The following DSCAML1 variants were observed in gnomAD, a reference collection of about 807,000 sequenced individuals.
The protein encoded by DSCAML1 is DS cell adhesion molecule like 1.
In DSCAML1, 38 loss-of-function variants were observed where a neutral mutation model predicts 200.5. That is an observed-to-expected ratio of 0.19 (90% confidence interval 0.15 to 0.25). The LOEUF is 0.25. DSCAML1 is among the 10% of genes least tolerant of loss of function. The pLI is 1.00. For synonymous variants in DSCAML1, 1,215 were observed against 1,165.0 expected, an observed-to-expected ratio of 1.04 and a Z score of -0.87; for missense variants, 2,223 against 2,858.8, an observed-to-expected ratio of 0.78 and a Z score of 5.07.
intron 3 of DSCAML1, among the ~76,000 whole-genome samples, chr11:117,690,272 C>T (rs2053473441): frequency 6.6e-6 from 1 of 152,246 alleles, no homozygotes; most frequent in Non-Finnish European, 1.5e-5. Flanking sequence ...CCCTCATGGC[C>T]AGTTCCAGTC....
intron 3 of DSCAML1, among the ~76,000 whole-genome samples, chr11:117,710,955 T>A (rs1251895135): frequency 2.0e-5 from 3 of 152,126 alleles, no homozygotes; most frequent in Non-Finnish European, 2.9e-5. Flanking sequence ...ACAAACTATA[T>A]CCAGTGAGGG....
intron 2 of DSCAML1, among the ~76,000 whole-genome samples, chr11:117,777,356 C>G (rs1450855466): frequency 6.6e-6 from 1 of 152,168 alleles, no homozygotes; most frequent in Admixed American, 6.5e-5. Context: ...CCTAAGAAAA[C>G]CAAACCGGAT....
intron 3 of DSCAML1, among the ~76,000 whole-genome samples, chr11:117,754,723 C>A (rs2054658842): frequency 6.6e-6 from 1 of 152,114 alleles, no homozygotes; most frequent in Non-Finnish European, 1.5e-5. Flanking sequence ...GAGGGGGAAA[C>A]AGAGAAGGGG....
chr11:117,594,888 C>G (rs2051331110), intron 3 of DSCAML1, among the ~76,000 whole-genome samples: 1 of 152,210 alleles, frequency 6.6e-6, no homozygotes, highest in Non-Finnish European at 1.5e-5. Flanking sequence ...ATCCTTTGCC[C>G]TTTGGCAGTT....
At chr11:117,646,178 G>C (rs939206675) in intron 3 of DSCAML1, among the ~76,000 whole-genome samples, 1 of 151,768 alleles carries the variant, frequency 6.6e-6, no homozygotes, top group Non-Finnish European at 1.5e-5. Flanking sequence ...AAAGTCCTCT[G>C]TCAGACCACA....
intron 3 of DSCAML1, among the ~76,000 whole-genome samples, chr11:117,732,779 A>G (rs914580699): frequency 6.6e-6 from 1 of 152,176 alleles, no homozygotes; most frequent in Non-Finnish European, 1.5e-5. Context: ...ATATGGGAAA[A>G]GCCAGGAATT....
chr11:117,672,121 A>AAAAAAAAAAAAAAAAAG (rs1555196996), intron 3 of DSCAML1, among the ~76,000 whole-genome samples: 2 of 147,472 alleles, frequency 1.4e-5, no homozygotes, highest in African/African-American at 5.0e-5. Flanking sequence ...AAAAAAAAAA[A>AAAAAAAAAAAAAAAAAG]AAGAAGAAAC....
At chr11:117,611,459 G>A (rs2051691911) in intron 3 of DSCAML1, 1 of 152,166 alleles carries the variant, frequency 6.6e-6, no homozygotes, top group Non-Finnish European at 1.5e-5. Context: ...CTCTGCATGA[G>A]ACATGAGAAC....
rs927106630 is a variant in DSCAML1 at position 117,642,073 on chromosome 11, C to T, written c.512-109551G>A. On this transcript the variant is annotated intron_variant, in intron 3 of 32. Transcript: ENST00000651296. The surrounding 1 kb of genome is among the most constrained non-coding windows in gnomAD (Gnocchi z 4.1). ...GGTGACAGCTCCCTTTTCTGAACAT[C>T]GATGGCAGTCATCTCTACCTCACCT... is the stretch of plus-strand genomic sequence containing the variant. Among the ~76,000 whole-genome samples the T allele has an allele frequency of 2.0e-5, 3 of 152,140 alleles. No individual in the cohort carries two copies. The highest frequency in any genetic ancestry group is 6.5e-5 in the Admixed American group (1 of 15,274).
chr11:117,548,791 G>C (rs991658150), intron 3 of DSCAML1, among the ~76,000 whole-genome samples: 3 of 152,160 alleles, frequency 2.0e-5, no homozygotes, highest in African/African-American at 7.2e-5. Flanking sequence ...GCAAGTCCCA[G>C]AGAAGAAACC....
At chr11:117,487,979 C>T (rs923176421) in intron 11 of DSCAML1, among the ~76,000 whole-genome samples, 3 of 152,138 alleles carry the variant, frequency 2.0e-5, no homozygotes, top group Non-Finnish European at 4.4e-5. Flanking sequence ...TGGGGGTGCC[C>T]GGGTCTCAGG....
chr11:117,541,015 C>A (rs35266957), intron 3 of DSCAML1, among the ~76,000 whole-genome samples: 1 of 152,114 alleles, frequency 6.6e-6, no homozygotes, highest in Non-Finnish European at 1.5e-5. Context: ...TCTCCCCCAG[C>A]GATTTAGAAG....
chr11:117,545,806 A>C (rs1267762621), intron 3 of DSCAML1, among the ~76,000 whole-genome samples: 2 of 152,194 alleles, frequency 1.3e-5, no homozygotes, highest in East Asian at 3.8e-4. Context: ...CCTCATCTGC[A>C]CCCTCAATCA....
intron 27 of DSCAML1, among the ~76,000 whole-genome samples, chr11:117,435,254 G>C (rs2047889743): frequency 6.6e-6 from 1 of 152,196 alleles, no homozygotes. Flanking sequence ...ACTACCTGCA[G>C]GTCTATTCTT....
At chr11:117,640,755 C>G (rs1007385582) in intron 3 of DSCAML1, among the ~76,000 whole-genome samples, 1 of 152,224 alleles carries the variant, frequency 6.6e-6, no homozygotes, top group East Asian at 1.9e-4. Flanking sequence ...ACACAGGTCA[C>G]TCTCCAGGCG....
At chr11:117,812,447 T>C (rs1413490991) in intron 1 of DSCAML1, among the ~76,000 whole-genome samples, 1 of 152,080 alleles carries the variant, frequency 6.6e-6, no homozygotes, top group Non-Finnish European at 1.5e-5. Context: ...ATCCACCCCA[T>C]GGTGCCAAAC....
intron 3 of DSCAML1, among the ~76,000 whole-genome samples, chr11:117,604,822 T>G (rs1040290228): frequency 4.6e-5 from 7 of 152,222 alleles, no homozygotes; most frequent in Non-Finnish European, 8.8e-5. Flanking sequence ...CATGCCGCTC[T>G]GTCTGCCCGT....
intron 1 of DSCAML1, among the ~76,000 whole-genome samples, chr11:117,782,463 G>C (rs1264352025): frequency 6.6e-6 from 1 of 152,146 alleles, no homozygotes; most frequent in African/African-American, 2.4e-5. Flanking sequence ...GAGCCACATG[G>C]CCTCGCCATT....
chr11:117,459,972 C>A (rs2048447278), intron 18 of DSCAML1, among the ~76,000 whole-genome samples: 1 of 152,212 alleles, frequency 6.6e-6, no homozygotes, highest in Non-Finnish European at 1.5e-5. Flanking sequence ...AGCAGCAGGG[C>A]CTTCCTCTCC....
Sources: allele counts gnomAD v4.1 joint callset (sites outside exome capture counted in the v4.1 genomes callset), GRCh38; gene constraint gnomAD v4.1.1; non-coding constraint Gnocchi (gnomAD v3.1); transcripts MANE v1.5; gene names NCBI Gene and HGNC (gene_info 2026-07-23, HGNC 2026-07-21).